Variants in KIF20B observed in about 807,000 individuals in gnomAD.
KIF20B encodes the protein kinesin family member 20B.
Under a neutral mutation model 232.5 loss-of-function variants are expected in KIF20B, and 188 were observed. That is an observed-to-expected ratio of 0.81 (90% CI 0.72 to 0.91). KIF20B has a LOEUF of 0.91. KIF20B is among the 40% of genes least tolerant of loss of function. The pLI, the probability that KIF20B is intolerant of heterozygous loss-of-function variation, is 0.00. For missense variants in KIF20B, 2,154 were observed against 2,055.9 expected (o/e 1.05, Z -0.92); for synonymous variants, 712 against 683.0 (o/e 1.04, Z -0.66).
Position 89,758,684 on chromosome 10 carries a change from ATTTTC to A in KIF20B, c.4504-18_4504-14del, listed in dbSNP as rs749178793. On this transcript the variant is annotated splice_polypyrimidine_tract_variant and intron_variant, in intron 26 of 32. Coordinates refer to ENST00000371728, the MANE Select transcript of KIF20B (RefSeq NM_001284259.2). ...ATAATATATCAAGGTTGATTTTAAT[ATTTTC>A]TTTATTTCCTGATTAGGAAATACTG... is the stretch of plus-strand genomic sequence containing the variant. 3 of 1,517,448 alleles carry A rather than the reference ATTTTC, an allele frequency of 2.0e-6. No homozygotes were observed. The highest frequency in any genetic ancestry group is 2.7e-6 in the Non-Finnish European group (3 of 1,130,954). The allele number at this position is 1,517,448 out of a possible 1,614,324, so 94.0% of individuals were successfully genotyped here. A position where few individuals can be genotyped will look rare whatever the true frequency, so the allele number is the denominator to read the frequency against.
chr10:89,760,831 C>G (rs1047576221), intron 28 of KIF20B, among the ~76,000 whole-genome samples, 195 bp downstream of exon 28: 1 of 152,116 alleles, frequency 6.6e-6, no homozygotes, highest in Non-Finnish European at 1.5e-5. Context: ...TGATGTTAAT[C>G]TCATCTTAAA....
At chr10:89,735,619 C>G (rs891938369) in intron 19 of KIF20B, among the ~76,000 whole-genome samples, 1 of 141,062 alleles carries the variant, frequency 7.1e-6, no homozygotes, top group African/African-American at 2.7e-5. Flanking sequence ...CTCACTGTAA[C>G]CTCCGTCTCC....
At position 89,756,505 on chromosome 10, in the gene KIF20B, C is replaced by T. The variant is rs556786271; in HGVS notation, c.4503+1832C>T. Among the ~76,000 whole-genome samples, 7 of 152,144 alleles carry T rather than the reference C, an allele frequency of 4.6e-5. No homozygotes were observed. The South Asian group carries it at 1.5e-3, about 32-fold the overall frequency. On this transcript the variant is annotated intron_variant, in intron 26 of 32. Transcript: ENST00000371728. Reference sequence around the variant, plus strand: ...CATACTTAGGTTGTGTATGTGTCTGCCATACTTAAGAAACACATTTTTGAT... The same window carrying T: ...CATACTTAGGTTGTGTATGTGTCTGTCATACTTAAGAAACACATTTTTGAT...
At chr10:89,739,374 A>G (rs1022392364) in intron 21 of KIF20B, among the ~76,000 whole-genome samples, 1 of 152,182 alleles carries the variant, frequency 6.6e-6, no homozygotes. Flanking sequence ...GTGGAAAGCA[A>G]CTTGTTTACA....
chr10:89,706,631 A>AT (rs78731683), intron 2 of KIF20B, among the ~76,000 whole-genome samples: 4,597 of 144,950 alleles, frequency 0.032, 352 homozygotes, highest in East Asian at 0.27. Context: ...GCTTCCATAC[A>AT]TTTTTTTTTT....
chr10:89,703,597 A>T (rs1430560936), intron 1 of KIF20B, among the ~76,000 whole-genome samples: 1 of 152,026 alleles, frequency 6.6e-6, no homozygotes, highest in African/African-American at 2.4e-5. Flanking sequence ...GGGTCTTGAT[A>T]ATCCCGGGTT....
At chr10:89,743,265 A>G (rs1006493910) in intron 21 of KIF20B, among the ~76,000 whole-genome samples, 5 of 152,198 alleles carry the variant, frequency 3.3e-5, no homozygotes, top group African/African-American at 9.7e-5. Context: ...ATATTAGTCC[A>G]TAGTACCTCG....
At chr10:89,749,083 A>T (rs1215419953) in intron 23 of KIF20B, among the ~76,000 whole-genome samples, 1 of 152,178 alleles carries the variant, frequency 6.6e-6, no homozygotes, top group African/African-American at 2.4e-5. Context: ...CTCTTGTCTC[A>T]GCTTTTATGA....
chr10:89,734,212 C>A (rs1189371180), intron 19 of KIF20B, among the ~76,000 whole-genome samples: 1 of 152,018 alleles, frequency 6.6e-6, no homozygotes, highest in Non-Finnish European at 1.5e-5. Context: ...GAGTTTGAGA[C>A]CAGCCTGACC....
rs745562196 is a variant in KIF20B at position 89,726,406 on chromosome 10, C to A, written c.2115C>A (p.Asp705Glu). The A allele has an allele frequency of 6.3e-6, 10 of 1,590,588 alleles. No individual in the cohort carries two copies. In the South Asian group the frequency reaches 1.1e-4, roughly 18 times the overall value. The change falls in exon 16 of 33, where the codon GAC (aspartate) becomes GAA (glutamate). Residue 705 changes from aspartate to glutamate, a missense_variant. By Grantham distance (45) the Asp-to-Glu change is conservative. Coordinates refer to ENST00000371728, the MANE Select transcript of KIF20B (RefSeq NM_001284259.2). ...ACTTATATATTGCATCTCTTCCTGA[C>A]CCCCAGGAAGCTACTGCTTGTTTAG... ...IAHLYIASLPDPQEATACLEL... is the reference protein window; with the variant it reads ...IAHLYIASLPEPQEATACLEL...
At position 89,710,944 on chromosome 10, in the gene KIF20B, A is replaced by T; in HGVS notation, c.491-17A>T. ...CTAGTAGACTGAGAGAGTATAACACAAAAATTCCTTTTGCAGGGACAGAAG... is the reference window on the plus strand; with the variant it reads ...CTAGTAGACTGAGAGAGTATAACACTAAAATTCCTTTTGCAGGGACAGAAG... On this transcript the variant is annotated splice_polypyrimidine_tract_variant and intron_variant, in intron 5 of 32. Coordinates refer to ENST00000371728, the MANE Select transcript of KIF20B (RefSeq NM_001284259.2). The T allele has an allele frequency of 1.3e-6, 2 of 1,594,482 alleles. No individual in the cohort carries two copies.
At chr10:89,759,282 A>C (rs1842191954) in intron 27 of KIF20B, among the ~76,000 whole-genome samples, 1 of 152,112 alleles carries the variant, frequency 6.6e-6, no homozygotes, top group African/African-American at 2.4e-5. Flanking sequence ...ATAAAGATAC[A>C]AATTATTTTG....
intron 6 of KIF20B, among the ~76,000 whole-genome samples, chr10:89,711,679 AT>A (rs34163775): frequency 4.1e-4 from 61 of 148,956 alleles, no homozygotes; most frequent in South Asian, 3.6e-3. Context: ...GTATGATATA[AT>A]TTTTTTTTTT....
At chr10:89,718,643 G>T in intron 11 of KIF20B, 67 bp from the exon 12 acceptor site, 4 of 1,228,676 alleles carry the variant, frequency 3.3e-6, no homozygotes, top group Non-Finnish European at 4.7e-6. Context: ...TTTGTAAAAT[G>T]TCTCAGCACC....
At chr10:89,757,908 T>C (rs73386422) in intron 26 of KIF20B, among the ~76,000 whole-genome samples, 6,468 of 151,974 alleles carry the variant, frequency 0.043, 398 homozygotes, top group African/African-American at 0.14. Context: ...TTATTTAATT[T>C]TTTTGCCACT....
In KIF20B at chr10:89,743,861, G is replaced by A. The variant is rs1368189900; in HGVS notation, c.3969G>A (p.Leu1323=). Residue 1323 remains leucine, a synonymous_variant, in exon 22 of 33, where the codon CTG becomes CTA. Coordinates refer to ENST00000371728, the MANE Select transcript of KIF20B (RefSeq NM_001284259.2). Reference sequence around the variant, plus strand: ...TACTGAGGATTAAAATTAATGAACTGGAGAAAAAGAAAAACCAGTGTTCTC... The same window carrying A: ...TACTGAGGATTAAAATTAATGAACTAGAGAAAAAGAAAAACCAGTGTTCTC... ...DKLLRIKINE[L]EKKKNQCSQE... is the part of the protein sequence containing the mutation. The A allele has an allele frequency of 6.3e-7, 1 of 1,577,116 alleles. No individual in the cohort carries two copies. Among genetic ancestry groups the A allele is most frequent in the Non-Finnish European group, 8.6e-7 (1 of 1,157,640 alleles).
At chr10:89,747,395 CA>C (rs1564670345) in intron 23 of KIF20B, among the ~76,000 whole-genome samples, 1 of 151,834 alleles carries the variant, frequency 6.6e-6, no homozygotes, top group Non-Finnish European at 1.5e-5. Context: ...GGTGTATACC[CA>C]AAGGACTATA....
At chr10:89,707,478 T>C (rs1030472419) in intron 2 of KIF20B, among the ~76,000 whole-genome samples, 4 of 151,990 alleles carry the variant, frequency 2.6e-5, no homozygotes, top group Non-Finnish European at 4.4e-5. Flanking sequence ...TGGATGACTT[T>C]TGTCTTTTCA....
At chr10:89,737,263 A>AT (rs60734702) in intron 19 of KIF20B, 124 bp from the exon 20 acceptor site, 18,448 of 863,588 alleles carry the variant, frequency 0.021, no homozygotes, top group Middle Eastern at 0.027. Context: ...AGCTTATTTC[A>AT]TTTTTTTTTT....
Sources: gnomAD v4.1 joint callset for allele counts (sites outside exome capture counted in the v4.1 genomes callset) on GRCh38, gnomAD v4.1.1 for gene constraint, MANE v1.5 for transcripts, NCBI Gene and HGNC (gene_info 2026-07-23, HGNC 2026-07-21) for gene names.